The following ERP27 variants were observed in gnomAD, a reference collection of about 807,000 sequenced individuals.
ERP27 encodes endoplasmic reticulum resident protein 27.
In ERP27, 23 loss-of-function variants were observed where a neutral mutation model predicts 27.7. That is an observed-to-expected ratio of 0.83 (90% CI 0.60 to 1.18). The LOEUF is 1.18. ERP27 is among the 50% of genes most tolerant of loss of function. The pLI, the probability that ERP27 is intolerant of heterozygous loss-of-function variation, is 0.00. For missense variants in ERP27, 363 were observed against 327.9 expected (o/e 1.11, Z -0.83); for synonymous variants, 159 against 118.3 (o/e 1.34, Z -2.23).
chr12:14,924,491 C>T (rs1463208094), intron 3 of ERP27, among the ~76,000 whole-genome samples: 1 of 152,182 alleles, frequency 6.6e-6, no homozygotes, highest in East Asian at 1.9e-4. Context: ...TTTACATACC[C>T]ATTAACAGTG....
At position 14,936,419 on chromosome 12, in the gene ERP27, C is replaced by T. The variant is rs187495972; in HGVS notation, c.196-1426G>A. Among the ~76,000 whole-genome samples, 123 of 152,270 alleles carry T rather than the reference C, an allele frequency of 8.1e-4. 1 individual carries two copies. Among genetic ancestry groups the T allele is most frequent in the Admixed American group, 3.9e-3 (60 of 15,300 alleles). On this transcript the variant is annotated intron_variant, in intron 2 of 6. Transcript: ENST00000266397. ...CCAGGCCTTCCATAGACGCTGGCAT[C>T]ATTTTCCCTGCTCTCACGGGACCTT...
chr12:14,922,906 C>G (rs1203084196), intron 3 of ERP27, among the ~76,000 whole-genome samples: 1 of 152,006 alleles, frequency 6.6e-6, no homozygotes, highest in African/African-American at 2.4e-5. Flanking sequence ...GAAACCCTGT[C>G]TCTACTAAAA....
intron 4 of ERP27, among the ~76,000 whole-genome samples, chr12:14,918,771 C>G (rs1234265432): frequency 6.6e-6 from 1 of 152,120 alleles, no homozygotes; most frequent in African/African-American, 2.4e-5. Flanking sequence ...AAGGAGGGCC[C>G]AGTAGGTCCT....
intron 3 of ERP27, among the ~76,000 whole-genome samples, chr12:14,924,706 G>A (rs904686525): frequency 3.3e-5 from 5 of 152,186 alleles, no homozygotes; most frequent in Admixed American, 2.6e-4. Context: ...GTTTGAGCCA[G>A]AGCAACTCCA....
chr12:14,921,019 G>T lies in ERP27; in HGVS notation c.363C>A (p.Asp121Glu). Reference sequence around the variant, plus strand: ...TGGCATCAATGCTTTCAATGTCTTCGTCCTCTAAATTCAGTTGTTCATTGT... The same window carrying T: ...TGGCATCAATGCTTTCAATGTCTTCTTCCTCTAAATTCAGTTGTTCATTGT... Reference protein sequence around the residue: ...LVDNEQLNLEDEDIESIDATK... With the variant: ...LVDNEQLNLEEEDIESIDATK... The change falls in exon 4 of 7, where the codon GAC (aspartate) becomes GAA (glutamate). Residue 121 changes from aspartate (D) to glutamate (E), a missense_variant. By Grantham distance (45) the Asp-to-Glu change is conservative. Coordinates refer to ENST00000266397, the MANE Select transcript of ERP27 (RefSeq NM_152321.4). 1 of 1,613,980 alleles carries T rather than the reference G, an allele frequency of 6.2e-7. No homozygotes were observed. The highest frequency in any genetic ancestry group is 8.5e-7 in the Non-Finnish European group (1 of 1,179,920).
At chr12:14,923,228 C>T (rs989274670) in intron 3 of ERP27, among the ~76,000 whole-genome samples, 1 of 151,484 alleles carries the variant, frequency 6.6e-6, no homozygotes, top group Non-Finnish European at 1.5e-5. Flanking sequence ...CCTTCAGACT[C>T]AGACTGGAAT....
intron 2 of ERP27, among the ~76,000 whole-genome samples, chr12:14,936,677 C>G (rs1036066803): frequency 6.6e-6 from 1 of 152,058 alleles, no homozygotes; most frequent in Admixed American, 6.5e-5. Flanking sequence ...ATGCTGTTCT[C>G]GTGATAGTGC....
chr12:14,918,113 T>C (rs190661721), intron 4 of ERP27, among the ~76,000 whole-genome samples: 30 of 152,318 alleles, frequency 2.0e-4, no homozygotes, highest in African/African-American at 7.0e-4. Context: ...TAACAAAGAA[T>C]AAGTAATTTA....
At chr12:14,938,338 A>C in intron 1 of ERP27, 77 bp downstream of exon 1, 3 of 1,441,720 alleles carry the variant, frequency 2.1e-6, no homozygotes, top group South Asian at 1.2e-5. Flanking sequence ...AAAAGTACCC[A>C]GAGAACCACC....
At position 14,917,282 on chromosome 12, in the gene ERP27, T is replaced by G. The variant is rs780225654; in HGVS notation, c.472A>C (p.Ser158Arg). The G allele has an allele frequency of 2.5e-6, 4 of 1,614,150 alleles. No homozygotes were observed. The highest frequency in any genetic ancestry group is 3.3e-4 in the Middle Eastern group (2 of 6,060). ...AGGAGGAGATGAATCTGAATTACGC[T>G]GTTGAATAACCCAATCACAGTCTGG... The part of the protein sequence containing the change: ...NPVTVIGLFN[S>R]VIQIHLLLIM... The change falls in exon 5 of 7, where the codon AGC becomes CGC. Residue 158 changes from serine (S) to arginine (R), a missense_variant. Ser to Arg is a moderately radical substitution (Grantham distance 110). Transcript: ENST00000266397.
At chr12:14,933,132 T>TG (rs1863721463) in intron 3 of ERP27, among the ~76,000 whole-genome samples, 1 of 152,200 alleles carries the variant, frequency 6.6e-6, no homozygotes, top group Admixed American at 6.5e-5. Flanking sequence ...AAACAAATAC[T>TG]TAGTGAGCAC....
intron 3 of ERP27, among the ~76,000 whole-genome samples, chr12:14,923,856 A>C (rs934720816): frequency 6.6e-6 from 1 of 152,224 alleles, no homozygotes; most frequent in Non-Finnish European, 1.5e-5. Context: ...TGATGAGAAC[A>C]TTAAAAAATC....
chr12:14,935,113 T>G, intron 2 of ERP27, 120 bp from the exon 3 acceptor site: 2 of 1,479,262 alleles, frequency 1.4e-6, no homozygotes, highest in Non-Finnish European at 1.8e-6. Flanking sequence ...TACTGCCCAG[T>G]AACACATGAT....
intron 4 of ERP27, among the ~76,000 whole-genome samples, chr12:14,917,670 C>T (rs941592986): frequency 1.3e-5 from 2 of 152,174 alleles, no homozygotes; most frequent in Non-Finnish European, 2.9e-5. Flanking sequence ...TGAGGAGAAA[C>T]GCATGGCCAG....
chr12:14,928,519 C>T (rs1444236650), intron 3 of ERP27, among the ~76,000 whole-genome samples: 2 of 152,098 alleles, frequency 1.3e-5, no homozygotes, highest in Non-Finnish European at 2.9e-5. Flanking sequence ...AATTATTTGC[C>T]GAGTGCCTGC....
At chr12:14,935,022 AG>A (rs1298661229) in intron 2 of ERP27, 29 bp from the exon 3 acceptor site, 2 of 1,608,066 alleles carry the variant, frequency 1.2e-6, no homozygotes, top group East Asian at 4.5e-5. Context: ...ATAATACCAC[AG>A]TGGTTATTTC....
At chr12:14,922,918 T>TA (rs1280323915) in intron 3 of ERP27, among the ~76,000 whole-genome samples, 1 of 151,842 alleles carries the variant, frequency 6.6e-6, no homozygotes, top group Non-Finnish European at 1.5e-5. Context: ...CTACTAAAAG[T>TA]ACAAAAATTA....
chr12:14,929,116 A>G (rs562161032), intron 3 of ERP27: 8 of 1,482,916 alleles, frequency 5.4e-6, no homozygotes, highest in East Asian at 4.9e-5. Flanking sequence ...CTCAGCTCAC[A>G]TCGCTGTGCA....
At chr12:14,929,972 T>C (rs1211350577) in intron 3 of ERP27, among the ~76,000 whole-genome samples, 1 of 150,656 alleles carries the variant, frequency 6.6e-6, no homozygotes, top group Admixed American at 6.6e-5. Context: ...AAAAGTTTCA[T>C]CATGGACACA....
Sources: gnomAD v4.1 joint callset for allele counts (sites outside exome capture counted in the v4.1 genomes callset) on GRCh38, gnomAD v4.1.1 for gene constraint, MANE v1.5 for transcripts, NCBI Gene and HGNC (gene_info 2026-07-23, HGNC 2026-07-21) for gene names.